Variants in CNNM3 observed in about 807,000 individuals in gnomAD.
CNNM3 encodes metal transporter CNNM3.
Under a neutral mutation model 57.1 loss-of-function variants are expected in CNNM3, and 47 were observed. The observed-to-expected ratio is 0.82, with a 90% CI of 0.65 to 1.05. The LOEUF (loss-of-function observed/expected upper bound fraction) is 1.05, where lower values mean the gene tolerates loss of function less well. Among genes scored for constraint, CNNM3 ranks in the 50% least tolerant of loss-of-function variants. The pLI is 0.00. For synonymous variants in CNNM3, 507 were observed against 478.2 expected (o/e 1.06, Z -0.79); for missense variants, 957 against 973.7 (o/e 0.98, Z 0.23).
chr2:96,819,363 C>A (rs2079373193), intron 1 of CNNM3, among the ~76,000 whole-genome samples: 1 of 152,246 alleles, frequency 6.6e-6, no homozygotes, highest in Non-Finnish European at 1.5e-5. Flanking sequence ...GGCTGCTCAG[C>A]CTCTTGTGGT....
chr2:96,819,211 C>G (rs62152793), intron 1 of CNNM3, among the ~76,000 whole-genome samples: 2 of 152,230 alleles, frequency 1.3e-5, no homozygotes, highest in Admixed American at 1.3e-4. Context: ...GACAGAGCCT[C>G]GCGGTGGTAA....
chr2:96,825,158 G>A lies in CNNM3; in HGVS notation c.1326G>A (p.Glu442=). 6.2e-7 allele frequency: 1 copy of A among 1,614,170 alleles called. No individual in the cohort carries two copies. Among genetic ancestry groups the A allele is most frequent in the South Asian group, 1.1e-5 (1 of 91,084 alleles). Reference sequence around the variant, plus strand: ...TGGTCACCCTGGAGGACGTGATCGAGGAGATCATCAGGTCCGAGATCCTGG... The same window carrying A: ...TGGTCACCCTGGAGGACGTGATCGAAGAGATCATCAGGTCCGAGATCCTGG... The part of the protein sequence containing the change: ...LGLVTLEDVI[E]EIIRSEILDE... Residue 442 remains glutamate, a synonymous_variant, in exon 2 of 8, where the codon GAG becomes GAA. Transcript: ENST00000305510.
In CNNM3 at chr2:96,832,672, G is replaced by A. The variant is rs2079624109; in HGVS notation, c.*56G>A. ...ACAGATGAGCACGTGGGGAGCTGGA[G>A]TGAGCTGAGCAGAAGTTTTGTGCCC... On this transcript the variant is annotated 3_prime_UTR_variant, in exon 8 of 8. Coordinates refer to ENST00000305510, the MANE Select transcript of CNNM3 (RefSeq NM_017623.5). 1.2e-6 allele frequency: 2 copies of A among 1,606,074 alleles called. No homozygotes were observed. The highest frequency in any genetic ancestry group is 1.7e-6 in the Non-Finnish European group (2 of 1,179,394).
chr2:96,832,482 T>A lies in CNNM3; in HGVS notation c.2060-70T>A, dbSNP rs2079620153. ...CTGCCCCTTCCTGTCCCACAGAGGA[T>A]TTGGCACTTGGTTTTGACAGGATAC... On this transcript the variant is annotated intron_variant, in intron 7 of 7. Coordinates refer to ENST00000305510, the MANE Select transcript of CNNM3 (RefSeq NM_017623.5). 4 of 1,604,874 alleles carry A rather than the reference T, an allele frequency of 2.5e-6. No homozygotes were observed. In the South Asian group the frequency reaches 3.3e-5, roughly 13 times the overall value.
intron 2 of CNNM3, 37 bp downstream of exon 2, chr2:96,825,238 G>A (rs745761046): frequency 6.2e-7 from 1 of 1,609,172 alleles, no homozygotes. Flanking sequence ...TCTCCGCTGG[G>A]CCTGCACACT....
intron 7 of CNNM3, among the ~76,000 whole-genome samples, chr2:96,831,035 C>T (rs1395541546): frequency 2.6e-5 from 4 of 152,204 alleles, no homozygotes; most frequent in African/African-American, 9.6e-5. Context: ...AGATACAGAC[C>T]TAATCCCAAA....
rs1359030349 is a variant in CNNM3 at position 96,833,045 on chromosome 2, G to A, written c.*429G>A. The A allele has an allele frequency of 1.0e-5, 13 of 1,290,430 alleles. No homozygotes were observed. Among genetic ancestry groups the A allele is most frequent in the East Asian group, 5.4e-5 (1 of 18,470 alleles). 79.9% of individuals were successfully genotyped at this position (1,290,430 alleles called of 1,614,324 possible). On this transcript the variant is annotated 3_prime_UTR_variant, in exon 8 of 8. Coordinates refer to ENST00000305510, the MANE Select transcript of CNNM3 (RefSeq NM_017623.5). Reference sequence around the variant, plus strand: ...TTTGCTTTTAATTTGCCAACCTATCGCTGCTGGCAGCACTTTTTGAGCAAG... The same window carrying A: ...TTTGCTTTTAATTTGCCAACCTATCACTGCTGGCAGCACTTTTTGAGCAAG...
rs2079330493 is a variant in CNNM3 at position 96,816,994 on chromosome 2, G to A, written c.717G>A (p.Val239=). 2 of 1,364,400 alleles carry A rather than the reference G, an allele frequency of 1.5e-6. No individual in the cohort carries two copies. Among genetic ancestry groups the A allele is most frequent in the Admixed American group, 2.9e-5 (1 of 34,146 alleles). The allele number at this position is 1,364,400 out of a possible 1,614,324, so 84.5% of individuals were successfully genotyped here. Reference sequence around the variant, plus strand: ...TCGTGTTCCTGGTGGGAGAGGTGGTGCCGGCCGCCGTGAGCGGGCGCTGGA... The same window carrying A: ...TCGTGTTCCTGGTGGGAGAGGTGGTACCGGCCGCCGTGAGCGGGCGCTGGA... ...AGLVFLVGEV[V]PAAVSGRWTL... Residue 239 remains valine (V), a synonymous_variant, in exon 1 of 8, where the codon GTG becomes GTA. Transcript: ENST00000305510.
chr2:96,817,004 G>A lies in CNNM3; in HGVS notation c.727G>A (p.Val243Met), dbSNP rs1307719642. 1 of 1,370,328 alleles carries A rather than the reference G, an allele frequency of 7.3e-7. No individual in the cohort carries two copies. The highest frequency in any genetic ancestry group is 2.9e-5 in the Admixed American group (1 of 34,672). The allele number at this position is 1,370,328 out of a possible 1,614,324, so 84.9% of individuals were successfully genotyped here. A position where few individuals can be genotyped will look rare whatever the true frequency, so the allele number is the denominator to read the frequency against. Residue 243 changes from valine to methionine, a missense_variant, in exon 1 of 8, where the codon GTG (valine) becomes ATG (methionine). Val to Met is a conservative substitution (Grantham distance 21, BLOSUM62 1). Around this residue, in one of 2 missense-constraint regions of CNNM3, gnomAD observed 466 missense variants for 403.1 expected, o/e 1.16. Coordinates refer to ENST00000305510, the MANE Select transcript of CNNM3 (RefSeq NM_017623.5). The stretch of plus-strand genomic sequence containing the variant: ...GGTGGGAGAGGTGGTGCCGGCCGCC[G>A]TGAGCGGGCGCTGGACGCTGGCGCT... ...FLVGEVVPAA[V>M]SGRWTLALAP...
intron 1 of CNNM3, chr2:96,824,412 G>C (rs1419687533): frequency 6.5e-6 from 1 of 153,092 alleles, no homozygotes; most frequent in East Asian, 1.9e-4. Context: ...TAAGAATTAG[G>C]AAAACCAAAA....
chr2:96,816,359 G>A lies in CNNM3; in HGVS notation c.82G>A (p.Ala28Thr). ...LCLGNAAGEA[A>T]PGPRVLGFCL... ...CCTGGGCAACGCCGCGGGGGAGGCC[G>A]CGCCGGGCCCGCGAGTGCTGGGCTT... The change falls in exon 1 of 8, where the codon GCG (alanine) becomes ACG (threonine). Residue 28 changes from alanine to threonine, a missense_variant. By Grantham distance (58) the Ala-to-Thr change is moderately conservative. Coordinates refer to ENST00000305510, the MANE Select transcript of CNNM3 (RefSeq NM_017623.5). 1 of 1,301,770 alleles carries A rather than the reference G, an allele frequency of 7.7e-7. No homozygotes were observed. The highest frequency in any genetic ancestry group is 2.2e-5 in the South Asian group (1 of 44,796). The allele number at this position is 1,301,770 out of a possible 1,614,324, so 80.6% of individuals were successfully genotyped here. A position where few individuals can be genotyped will look rare whatever the true frequency, so the allele number is the denominator to read the frequency against.
chr2:96,831,103 G>C (rs143934733), intron 7 of CNNM3, among the ~76,000 whole-genome samples: 3 of 152,104 alleles, frequency 2.0e-5, no homozygotes, highest in Non-Finnish European at 4.4e-5. Flanking sequence ...TCACTGGGCC[G>C]TCCTGTAAGA....
Position 96,833,309 on chromosome 2 carries a change from A to G in CNNM3, c.*693A>G. On this transcript the variant is annotated 3_prime_UTR_variant, in exon 8 of 8. Coordinates refer to ENST00000305510, the MANE Select transcript of CNNM3 (RefSeq NM_017623.5). ...AGGGCCCCTTTCTGCTTCTCTGCCC[A>G]CCTGCTGAGTTGCCACTCGCAGTGT... The G allele has an allele frequency of 3.4e-6, 1 of 298,494 alleles. No individual in the cohort carries two copies. The highest frequency in any genetic ancestry group is 6.6e-6 in the Non-Finnish European group (1 of 150,474). 18.5% of individuals were successfully genotyped at this position (298,494 alleles called of 1,614,324 possible).
chr2:96,833,410 G>A lies in CNNM3; in HGVS notation c.*794G>A, dbSNP rs1424460892. On this transcript the variant is annotated 3_prime_UTR_variant, in exon 8 of 8. Coordinates refer to ENST00000305510, the MANE Select transcript of CNNM3 (RefSeq NM_017623.5). ...TCATGCTGCATCGAATCCTCTCTCC[G>A]CCGTGTGGCCCCCAGGAGAGTAGCT... 1.9e-5 allele frequency: 4 copies of A among 212,600 alleles called. No homozygotes were observed. Among genetic ancestry groups the A allele is most frequent in the South Asian group, 6.7e-5 (1 of 14,894 alleles). The allele number at this position is 212,600 out of a possible 1,614,324, so 13.2% of individuals were successfully genotyped here.
intron 7 of CNNM3, 76 bp from the exon 8 acceptor site, chr2:96,832,476 A>G: frequency 6.2e-7 from 1 of 1,600,900 alleles, no homozygotes; most frequent in South Asian, 1.1e-5. Context: ...CCTGTCCCAC[A>G]GAGGATTTGG....
At chr2:96,824,112 G>GT (rs1463152267) in intron 1 of CNNM3, among the ~76,000 whole-genome samples, 1 of 152,042 alleles carries the variant, frequency 6.6e-6, no homozygotes, top group African/African-American at 2.4e-5. Context: ...CTTGCATTCT[G>GT]TTTTTTTCAG....
intron 7 of CNNM3, among the ~76,000 whole-genome samples, chr2:96,830,432 G>C (rs1475858076): frequency 6.6e-6 from 1 of 152,248 alleles, no homozygotes; most frequent in African/African-American, 2.4e-5. Flanking sequence ...CCTGCTTCCT[G>C]TAGGCCTCCC....
In CNNM3 at chr2:96,816,314, T is replaced by TGGTTGTTCGCCGCGCTCTGCC; in HGVS notation, c.38_58dup (p.Cys19_Leu20insArgLeuPheAlaAlaLeuCys). On this transcript the variant is annotated inframe_insertion, in exon 1 of 8. Coordinates refer to ENST00000305510, the MANE Select transcript of CNNM3 (RefSeq NM_017623.5). ...GGTAGCTGCGGCGGGTCGGTTAGGC[T>TGGTTGTTCGCCGCGCTCTGCC]GGTTGTTCGCCGCGCTCTGCCTGGG... 7.8e-7 allele frequency: 1 copy of TGGTTGTTCGCCGCGCTCTGCC among 1,290,088 alleles called. No individual in the cohort carries two copies. The allele number at this position is 1,290,088 out of a possible 1,614,324, so 79.9% of individuals were successfully genotyped here.
intron 7 of CNNM3, among the ~76,000 whole-genome samples, chr2:96,829,981 A>T (rs2079573918): frequency 1.3e-5 from 2 of 152,150 alleles, no homozygotes; most frequent in African/African-American, 4.8e-5. Flanking sequence ...GAGCAGGAAG[A>T]TTGTGTTGGA....
Sources: gnomAD v4.1 joint callset for allele counts (sites outside exome capture counted in the v4.1 genomes callset) on GRCh38, gnomAD v4.1.1 for gene constraint, gnomAD v4.1.1 regional missense constraint, MANE v1.5 for transcripts, NCBI Gene and HGNC (gene_info 2026-07-23, HGNC 2026-07-21) for gene names.